ST7: variants seen among roughly 807,000 people sequenced by gnomAD.
ST7 encodes the protein suppression of tumorigenicity 7.
ST7 carries 28 observed loss-of-function variants against 78.7 expected under a neutral mutation model. That is an observed-to-expected ratio of 0.36 (90% confidence interval 0.26 to 0.49). The LOEUF is 0.49. ST7 is among the 20% of genes least tolerant of loss of function. The pLI is 0.99. For synonymous variants in ST7, 247 were observed against 249.6 expected, an observed-to-expected ratio of 0.99 and a Z score of 0.10; for missense variants, 418 against 696.0, an observed-to-expected ratio of 0.60 and a Z score of 4.49.
chr7:117,154,327 A>C (rs992223778), intron 9 of ST7, among the ~76,000 whole-genome samples: 3 of 152,060 alleles, frequency 2.0e-5, no homozygotes, highest in Non-Finnish European at 4.4e-5. Flanking sequence ...TGGATCTTGG[A>C]CCTCCCAGCC....
At chr7:116,998,096 G>A (rs539146269) in intron 1 of ST7, among the ~76,000 whole-genome samples, 8 of 152,236 alleles carry the variant, frequency 5.3e-5, no homozygotes, top group Admixed American at 6.5e-5. Context: ...ATGGAGGCAG[G>A]GGGGAGGCTC....
intron 2 of ST7, chr7:117,118,095 G>A (rs1243097125): frequency 6.5e-6 from 1 of 152,894 alleles, no homozygotes; most frequent in African/African-American, 2.4e-5. Context: ...GATAATTCAC[G>A]ATAGGTTGAG....
At chr7:117,102,647 T>A (rs556470286) in intron 2 of ST7, among the ~76,000 whole-genome samples, 2 of 152,260 alleles carry the variant, frequency 1.3e-5, no homozygotes, top group Admixed American at 1.3e-4. Context: ...TGTAAGAAAC[T>A]ATATTAATAT....
chr7:116,954,099 C>A (rs1310288653), intron 1 of ST7: 1 of 152,014 alleles, frequency 6.6e-6, no homozygotes, highest in East Asian at 1.9e-4. Context: ...CTTCCTCACG[C>A]CCTCCCGGCT....
At chr7:117,097,428 C>T (rs760395989) in intron 1 of ST7, among the ~76,000 whole-genome samples, 4 of 150,776 alleles carry the variant, frequency 2.7e-5, no homozygotes, top group African/African-American at 4.9e-5. Context: ...CGGGTTCAAA[C>T]GATTCTCCTG....
chr7:117,225,520 G>T (rs868302223), intron 15 of ST7, among the ~76,000 whole-genome samples: 3 of 152,072 alleles, frequency 2.0e-5, no homozygotes, highest in Non-Finnish European at 2.9e-5. Flanking sequence ...TTCTCCCGCC[G>T]CCTCCTCGAC....
intron 2 of ST7, among the ~76,000 whole-genome samples, chr7:117,109,113 T>G (rs1335147178): frequency 6.6e-6 from 1 of 152,210 alleles, no homozygotes; most frequent in Non-Finnish European, 1.5e-5. Flanking sequence ...GTCTGATTGC[T>G]GTGGCTAGGA....
chr7:117,159,841 C>G (rs545518999), intron 9 of ST7, among the ~76,000 whole-genome samples: 1 of 151,952 alleles, frequency 6.6e-6, no homozygotes, highest in African/African-American at 2.4e-5. Context: ...TGCAGTGAGC[C>G]GAGATCATGC....
intron 10 of ST7, among the ~76,000 whole-genome samples, chr7:117,182,382 T>G (rs1193939852): frequency 6.6e-6 from 1 of 152,222 alleles, no homozygotes; most frequent in Non-Finnish European, 1.5e-5. Context: ...GGAGCAAAGC[T>G]GTGCATGGTA....
intron 1 of ST7, among the ~76,000 whole-genome samples, chr7:117,097,908 A>ATATATATATATATTTTTTTTTT: frequency 1.7e-4 from 5 of 30,014 alleles, no homozygotes; most frequent in East Asian, 1.7e-3. Context: ...ATATATATAT[A>ATATATATATATATTTTTTTTTT]TTTTTTTTTT....
intron 2 of ST7, 89 bp downstream of exon 2, chr7:117,099,933 T>C: frequency 3.0e-6 from 3 of 1,001,646 alleles, no homozygotes; most frequent in Non-Finnish European, 4.4e-6. Context: ...TGGAAGAATA[T>C]ACACTAACAG....
intron 15 of ST7, chr7:117,223,317 A>G: frequency 3.8e-6 from 1 of 265,900 alleles, no homozygotes; most frequent in South Asian, 5.7e-5. Context: ...TTTCTTTTAT[A>G]CTGACACAAG....
At chr7:117,146,929 T>C (rs975822836) in intron 9 of ST7, among the ~76,000 whole-genome samples, 1 of 152,190 alleles carries the variant, frequency 6.6e-6, no homozygotes, top group African/African-American at 2.4e-5. Flanking sequence ...TGTTGGGACA[T>C]TTTGGGGGAT....
At chr7:116,999,216 A>G (rs892260564) in intron 1 of ST7, among the ~76,000 whole-genome samples, 3 of 152,216 alleles carry the variant, frequency 2.0e-5, no homozygotes, top group Non-Finnish European at 2.9e-5. Flanking sequence ...AAGCTTAGGT[A>G]CACGAAATTG....
In ST7 at chr7:117,130,562, C is replaced by T. The variant is rs1563105647; in HGVS notation, c.521C>T (p.Thr174Ile). Reference protein sequence around the residue: ...DMNLSAQDHQTFFTCDSDHLR... With the variant: ...DMNLSAQDHQIFFTCDSDHLR... ...AATCTCTCTGCCCAAGACCACCAGA[C>T]ATTCTTTACTTGTGACTCGGACCAT... Residue 174 changes from threonine (T) to isoleucine (I), a missense_variant, in exon 5 of 16, where the codon ACA (threonine) becomes ATA (isoleucine). This residue lies in a region of ST7 where 288 missense variants were observed against 537.1 expected (regional missense o/e 0.54). Coordinates refer to ENST00000323984, the MANE Select transcript of ST7 (RefSeq NM_001369598.1). 6.2e-7 allele frequency: 1 copy of T among 1,611,580 alleles called. No homozygotes were observed. Among genetic ancestry groups the T allele is most frequent in the Non-Finnish European group, 8.5e-7 (1 of 1,178,418 alleles).
chr7:117,189,391 C>T lies in ST7; in HGVS notation c.1149C>T (p.Asp383=). 6.2e-7 allele frequency: 1 copy of T among 1,601,126 alleles called. No homozygotes were observed. ...TGCTCAAAGCAAGAGCTGTCTCTGA[C>T]AAGTAAGTGAATAATAGTTTGCGCG... is the stretch of plus-strand genomic sequence containing the variant. ...AALLKARAVS[D]KFSPEAASRR... is the part of the protein sequence containing the mutation. Residue 383 remains aspartate (D), a splice_region_variant and synonymous_variant, in exon 11 of 16, where the codon GAC becomes GAT. Coordinates refer to ENST00000323984, the MANE Select transcript of ST7 (RefSeq NM_001369598.1).
intron 10 of ST7, among the ~76,000 whole-genome samples, chr7:117,185,663 C>T (rs1292690099): frequency 6.6e-6 from 1 of 152,114 alleles, no homozygotes; most frequent in Admixed American, 6.5e-5. Context: ...CAGTGGCTCG[C>T]GCCTGTAATC....
chr7:116,995,398 G>C (rs375193650), intron 1 of ST7, among the ~76,000 whole-genome samples: 4 of 152,110 alleles, frequency 2.6e-5, no homozygotes, highest in African/African-American at 4.8e-5. Context: ...CCAATGAAAG[G>C]CATTATTATT....
intron 1 of ST7, among the ~76,000 whole-genome samples, chr7:117,028,234 A>AT (rs1796304499): frequency 1.3e-5 from 2 of 152,374 alleles, no homozygotes; most frequent in African/African-American, 4.8e-5. Context: ...AGTAAAAATA[A>AT]TGAGTTACTA....
Sources: allele counts gnomAD v4.1 joint callset (sites outside exome capture counted in the v4.1 genomes callset), GRCh38; gene constraint gnomAD v4.1.1; regional missense constraint gnomAD v4.1.1; transcripts MANE v1.5; gene names NCBI Gene and HGNC (gene_info 2026-07-23, HGNC 2026-07-21).